The following PI4K2A variants were observed in gnomAD, a reference collection of about 807,000 sequenced individuals.
PI4K2A encodes the protein phosphatidylinositol 4-kinase type 2-alpha.
A neutral mutation model predicts 55.0 loss-of-function variants in PI4K2A; 20 were observed. The ratio of observed to expected loss-of-function variants is 0.36; its 90% confidence interval spans 0.26 to 0.53. The LOEUF is 0.53. Ranked by LOEUF, PI4K2A falls within the 20% of genes least tolerant of loss-of-function variation. The pLI is 0.91. For missense variants in PI4K2A, 463 were observed against 637.1 expected, an observed-to-expected ratio of 0.73 and a Z score of 2.94; for synonymous variants, 235 against 258.5, an observed-to-expected ratio of 0.91 and a Z score of 0.87.
At chr10:97,642,865 T>C (rs200803111) in intron 1 of PI4K2A, among the ~76,000 whole-genome samples, 2 of 53,738 alleles carry the variant, frequency 3.7e-5, no homozygotes, top group African/African-American at 1.3e-4. Flanking sequence ...CTTTCTTTCT[T>C]TTTCTTTCTT....
At chr10:97,659,949 TG>T (rs1339682978) in intron 4 of PI4K2A, among the ~76,000 whole-genome samples, 2 of 152,000 alleles carry the variant, frequency 1.3e-5, no homozygotes, top group Non-Finnish European at 2.9e-5. Context: ...CTTAGAGTAT[TG>T]ATTTTTACCT....
intron 8 of PI4K2A, among the ~76,000 whole-genome samples, chr10:97,671,679 G>C (rs1200702602): frequency 1.3e-5 from 2 of 152,144 alleles, no homozygotes; most frequent in African/African-American, 4.8e-5. Flanking sequence ...TTGCTCATTT[G>C]CTTAGACTGG....
At position 97,656,706 on chromosome 10, in the gene PI4K2A, T is replaced by C; in HGVS notation, c.769-115T>C. Reference sequence around the variant, plus strand: ...ATGAGGAAGTAAAGATCTTGAAAAGTTTTCCTTCTCTGATACAAACTCCAT... The same window carrying C: ...ATGAGGAAGTAAAGATCTTGAAAAGCTTTCCTTCTCTGATACAAACTCCAT... On this transcript the variant is annotated intron_variant, in intron 3 of 8. Coordinates refer to ENST00000370631, the Ensembl canonical transcript of PI4K2A. The surrounding 1 kb of genome is among the most constrained non-coding windows in gnomAD (Gnocchi z 4.5). The C allele has an allele frequency of 1.1e-6, 1 of 944,746 alleles. No individual in the cohort carries two copies. The highest frequency in any genetic ancestry group is 1.6e-5 in the South Asian group (1 of 62,470). The allele number at this position is 944,746 out of a possible 1,614,324, so 58.5% of individuals were successfully genotyped here.
chr10:97,659,489 T>C (rs886632613), intron 4 of PI4K2A, among the ~76,000 whole-genome samples: 14 of 151,944 alleles, frequency 9.2e-5, no homozygotes, highest in Non-Finnish European at 1.5e-4. Flanking sequence ...TTTTTTCCAA[T>C]TTGGGTGCTT....
At chr10:97,660,007 T>C (rs1353768955) in intron 4 of PI4K2A, among the ~76,000 whole-genome samples, 12 of 148,266 alleles carry the variant, frequency 8.1e-5, no homozygotes, top group Non-Finnish European at 1.0e-4. Flanking sequence ...CTTTTCTTTT[T>C]TTTTTTTTTT....
intron 2 of PI4K2A, among the ~76,000 whole-genome samples, chr10:97,654,566 CTTG>C (rs1281149184): frequency 6.6e-6 from 1 of 152,164 alleles, no homozygotes; most frequent in Non-Finnish European, 1.5e-5. Flanking sequence ...CTAAAACTCA[CTTG>C]TTGCTGTCTC....
At chr10:97,664,924 G>T in exon 6 of PI4K2A, 1 of 1,614,056 alleles carries the variant, frequency 6.2e-7, no homozygotes, top group Non-Finnish European at 8.5e-7. Context: ...TGTTATCAAG[G>T]TGGCTGCCAT....
chr10:97,646,887 G>A (rs970414497), intron 1 of PI4K2A, among the ~76,000 whole-genome samples: 2 of 151,922 alleles, frequency 1.3e-5, no homozygotes, highest in Admixed American at 6.6e-5. Flanking sequence ...CGATTCTCCC[G>A]CCTCAGCCTC....
chr10:97,671,853 T>C (rs1013682037), intron 8 of PI4K2A, among the ~76,000 whole-genome samples: 1 of 151,898 alleles, frequency 6.6e-6, no homozygotes, highest in Non-Finnish European at 1.5e-5. Flanking sequence ...TTTTGTATTT[T>C]TGTAGAGACA....
At chr10:97,665,161 T>G (rs945675951) in intron 6 of PI4K2A, among the ~76,000 whole-genome samples, 177 bp downstream of exon 6, 3 of 152,224 alleles carry the variant, frequency 2.0e-5, no homozygotes, top group Non-Finnish European at 4.4e-5. Context: ...ATGTAAGCTG[T>G]TTTTCTAATT....
At chr10:97,642,388 T>C (rs72835944) in intron 1 of PI4K2A, among the ~76,000 whole-genome samples, 6,963 of 149,662 alleles carry the variant, frequency 0.047, 222 homozygotes, top group East Asian at 0.093. Context: ...TCTTTCGAAG[T>C]TTCTTTTTCT....
chr10:97,658,975 T>C lies in PI4K2A; in HGVS notation c.922+2001T>C, dbSNP rs557270504. ...ATTTGTTTAAAGTTCTCTGTATATCTGGCTATTAATCCCGTATCAGATATA... is the reference window on the plus strand; with the variant it reads ...ATTTGTTTAAAGTTCTCTGTATATCCGGCTATTAATCCCGTATCAGATATA... On this transcript the variant is annotated intron_variant, in intron 4 of 8. Transcript: ENST00000370631. Among the ~76,000 whole-genome samples, 5 of 152,374 alleles carry C rather than the reference T, an allele frequency of 3.3e-5. No individual in the cohort carries two copies. In the East Asian group the frequency reaches 9.6e-4, roughly 29 times the overall value.
At chr10:97,667,495 G>T (rs957419453) in intron 8 of PI4K2A, among the ~76,000 whole-genome samples, 2 of 152,110 alleles carry the variant, frequency 1.3e-5, no homozygotes, top group African/African-American at 4.8e-5. Context: ...CAGGCGTGAG[G>T]CCCTGCGCCC....
chr10:97,642,828 TTCCTTCCTTCCTTC>T (rs1564772204), intron 1 of PI4K2A, among the ~76,000 whole-genome samples: 3 of 4,814 alleles, frequency 6.2e-4, no homozygotes, highest in Non-Finnish European at 1.0e-3. Flanking sequence ...CCTTCCTTCC[TTCCTTCCTTCCTTC>T]CTTCCTTCCT....
chr10:97,650,962 C>T, exon 2 of PI4K2A: 1 of 1,613,776 alleles, frequency 6.2e-7, no homozygotes, highest in Non-Finnish European at 8.5e-7. Context: ...TGTCTTCAAA[C>T]CCAAGAATGA....
intron 8 of PI4K2A, 38 bp downstream of exon 8, chr10:97,667,158 C>G: frequency 6.7e-7 from 1 of 1,490,036 alleles, no homozygotes; most frequent in Non-Finnish European, 9.4e-7. Flanking sequence ...TTTGGCGTCT[C>G]TGGGAGTGTT....
At chr10:97,657,076 A>G in intron 4 of PI4K2A, 102 bp downstream of exon 4, 5 of 1,124,754 alleles carry the variant, frequency 4.4e-6, no homozygotes, top group Non-Finnish European at 6.5e-6. Flanking sequence ...CCTTGTCCAG[A>G]CACATCATGT....
chr10:97,641,171 T>G, exon 1 of PI4K2A: 4 of 1,601,834 alleles, frequency 2.5e-6, no homozygotes, highest in Non-Finnish European at 3.4e-6. Flanking sequence ...TCAAGGACCC[T>G]CAGGGGGTGA....
intron 8 of PI4K2A, among the ~76,000 whole-genome samples, chr10:97,672,420 G>T (rs2041640672): frequency 1.3e-5 from 2 of 152,170 alleles, no homozygotes; most frequent in African/African-American, 4.8e-5. Flanking sequence ...TAGTTAGATA[G>T]AAAGATAGAA....
Sources: gnomAD v4.1 joint callset for allele counts (sites outside exome capture counted in the v4.1 genomes callset) on GRCh38, gnomAD v4.1.1 for gene constraint, Gnocchi (gnomAD v3.1) non-coding constraint, MANE v1.5 for transcripts, NCBI Gene and HGNC (gene_info 2026-07-23, HGNC 2026-07-21) for gene names.